Variants in TTLL11 observed in about 807,000 individuals in gnomAD.
TTLL11 encodes tubulin polyglutamylase TTLL11.
A neutral mutation model predicts 51.7 loss-of-function variants in TTLL11; 42 were observed. The observed-to-expected ratio is 0.81, with a 90% confidence interval of 0.64 to 1.05. The LOEUF (loss-of-function observed/expected upper bound fraction) is 1.05. TTLL11 is among the 50% of genes least tolerant of loss of function. The pLI is 0.00. For missense variants in TTLL11, 799 were observed against 940.4 expected (o/e 0.85, Z 1.97); for synonymous variants, 381 against 383.5 (o/e 0.99, Z 0.08).
chr9:121,907,662 G>T (rs1469917226), intron 6 of TTLL11, among the ~76,000 whole-genome samples: 1 of 152,118 alleles, frequency 6.6e-6, no homozygotes, highest in Admixed American at 6.6e-5. Flanking sequence ...GCCATGTCTA[G>T]ATTATCTGCT....
chr9:121,885,360 A>G (rs376074239), intron 6 of TTLL11: 3 of 152,128 alleles, frequency 2.0e-5, no homozygotes, highest in African/African-American at 7.2e-5. Context: ...TCCGTTTTCC[A>G]TTTGGAGGCT....
intron 6 of TTLL11, among the ~76,000 whole-genome samples, chr9:121,970,700 C>T (rs1408730208): frequency 6.6e-6 from 1 of 152,226 alleles, no homozygotes; most frequent in Non-Finnish European, 1.5e-5. Flanking sequence ...CAGGAAACAA[C>T]AGATGCTGGA....
At chr9:122,061,165 C>CT (rs1435000375) in intron 1 of TTLL11, among the ~76,000 whole-genome samples, 1 of 152,204 alleles carries the variant, frequency 6.6e-6, no homozygotes, top group Admixed American at 6.5e-5. Context: ...ATATGTCTGT[C>CT]TTCTCCTTTT....
intron 1 of TTLL11, among the ~76,000 whole-genome samples, chr9:122,090,176 C>A (rs755150380): frequency 6.8e-6 from 1 of 146,896 alleles, no homozygotes; most frequent in Non-Finnish European, 1.5e-5. Flanking sequence ...TACCATTATG[C>A]GGCTACCGAA....
chr9:122,051,761 G>C (rs991370892), intron 1 of TTLL11, among the ~76,000 whole-genome samples: 1 of 152,090 alleles, frequency 6.6e-6, no homozygotes, highest in African/African-American at 2.4e-5. Context: ...GATCCTCTGA[G>C]TAATAAATTT....
chr9:121,838,182 C>T (rs1460745028), intron 8 of TTLL11, among the ~76,000 whole-genome samples: 3 of 152,118 alleles, frequency 2.0e-5, no homozygotes, highest in Non-Finnish European at 2.9e-5. Flanking sequence ...CCTTGAGTCT[C>T]GCCCATTTTA....
intron 6 of TTLL11, among the ~76,000 whole-genome samples, chr9:121,894,727 C>T (rs567260573): frequency 6.6e-6 from 1 of 152,074 alleles, no homozygotes; most frequent in Admixed American, 6.5e-5. Context: ...AGGAGGGGAA[C>T]ATCACACACC....
Position 121,853,254 on chromosome 9 carries a change from C to T in TTLL11, c.1840+7083G>A, listed in dbSNP as rs982018104. Among the ~76,000 whole-genome samples the T allele has an allele frequency of 1.3e-5, 2 of 152,132 alleles. No homozygotes were observed. The highest frequency in any genetic ancestry group is 2.9e-5 in the Non-Finnish European group (2 of 68,028). On this transcript the variant is annotated intron_variant, in intron 8 of 8. Coordinates refer to ENST00000321582, the MANE Select transcript of TTLL11 (RefSeq NM_001139442.2). The surrounding 1 kb of genome is among the most constrained non-coding windows in gnomAD (Gnocchi z 5.6). ...GTCTCAGTGCTTGGCCTCATGCAGGCGGGAACAGCTCTGTTTCCTGGATGT... is the reference window on the plus strand; with the variant it reads ...GTCTCAGTGCTTGGCCTCATGCAGGTGGGAACAGCTCTGTTTCCTGGATGT...
At chr9:122,065,482 C>A (rs1231131532) in intron 1 of TTLL11, among the ~76,000 whole-genome samples, 1 of 152,204 alleles carries the variant, frequency 6.6e-6, no homozygotes, top group Non-Finnish European at 1.5e-5. Context: ...CTGATTCCCA[C>A]ACCAGGAGGC....
chr9:122,091,456 G>A (rs1029480169), intron 1 of TTLL11, among the ~76,000 whole-genome samples: 1 of 152,132 alleles, frequency 6.6e-6, no homozygotes, highest in African/African-American at 2.4e-5. Flanking sequence ...CCAGACACTT[G>A]GAGTCAAACT....
At chr9:121,884,502 G>A (rs1353225315) in intron 6 of TTLL11, 1 of 152,606 alleles carries the variant, frequency 6.6e-6, no homozygotes, top group African/African-American at 2.4e-5. Flanking sequence ...GGGCAAGGGG[G>A]ATGTGTGGGA....
intron 8 of TTLL11, among the ~76,000 whole-genome samples, chr9:121,858,982 A>G (rs773630223): frequency 6.6e-6 from 1 of 152,138 alleles, no homozygotes; most frequent in African/African-American, 2.4e-5. Flanking sequence ...CAGCCAGAAG[A>G]GGGCGTGGCG....
chr9:121,930,857 G>A lies in TTLL11; in HGVS notation c.1481+43152C>T, dbSNP rs536702504. ...CTCGCGCTGAGTTTGGCACTTAATA[G>A]GTGCCTACTTATTAATGTTTTTAGT... On this transcript the variant is annotated intron_variant, in intron 6 of 8. Transcript: ENST00000321582. Among the ~76,000 whole-genome samples the A allele has an allele frequency of 5.9e-5, 9 of 152,332 alleles. No homozygotes were observed. The South Asian group carries it at 1.9e-3, about 32-fold the overall frequency.
At chr9:122,073,865 A>C (rs767327763) in intron 1 of TTLL11, among the ~76,000 whole-genome samples, 1 of 152,136 alleles carries the variant, frequency 6.6e-6, no homozygotes, top group African/African-American at 2.4e-5. Flanking sequence ...ATATTTGTAC[A>C]TACTTCCAAT....
chr9:121,865,360 G>A (rs916153636), intron 7 of TTLL11, among the ~76,000 whole-genome samples: 2 of 152,266 alleles, frequency 1.3e-5, no homozygotes, highest in Non-Finnish European at 1.5e-5. Context: ...TCAAAAGGAG[G>A]CCCAGGATCA....
intron 3 of TTLL11, among the ~76,000 whole-genome samples, chr9:122,002,803 G>A (rs1843513306): frequency 6.6e-6 from 1 of 151,944 alleles, no homozygotes; most frequent in African/African-American, 2.4e-5. Context: ...AAAATTAGCT[G>A]GGCGTGGTGG....
intron 6 of TTLL11, among the ~76,000 whole-genome samples, chr9:121,956,590 T>C (rs558608558): frequency 6.6e-6 from 1 of 152,216 alleles, no homozygotes; most frequent in Non-Finnish European, 1.5e-5. Flanking sequence ...TGGGGCCTAC[T>C]GGCCGCCCTG....
At chr9:122,073,301 T>G (rs1845776202) in intron 1 of TTLL11, among the ~76,000 whole-genome samples, 1 of 152,092 alleles carries the variant, frequency 6.6e-6, no homozygotes, top group Non-Finnish European at 1.5e-5. Context: ...TCCCAGTTAC[T>G]CGGGAGGCTG....
intron 3 of TTLL11, among the ~76,000 whole-genome samples, chr9:122,026,925 A>C (rs13291831): frequency 2.0e-5 from 3 of 151,628 alleles, no homozygotes; most frequent in African/African-American, 4.8e-5. Context: ...AAAAAAAAAA[A>C]AAAAAACTAG....
Sources: allele counts gnomAD v4.1 joint callset (sites outside exome capture counted in the v4.1 genomes callset), GRCh38; gene constraint gnomAD v4.1.1; non-coding constraint Gnocchi (gnomAD v3.1); transcripts MANE v1.5; gene names NCBI Gene and HGNC (gene_info 2026-07-23, HGNC 2026-07-21).